The following RASA1 variants were observed in gnomAD, a reference collection of about 807,000 sequenced individuals.
RASA1 encodes ras GTPase-activating protein 1.
RASA1 carries 25 observed loss-of-function variants against 132.2 expected under a neutral mutation model. The ratio of observed to expected loss-of-function variants is 0.19; its 90% CI spans 0.14 to 0.26. The LOEUF (loss-of-function observed/expected upper bound fraction) is 0.26, where lower values mean the gene tolerates loss of function less well. Ranked by LOEUF, RASA1 falls within the 10% of genes least tolerant of loss-of-function variation. The probability of loss-of-function intolerance (pLI) is 1.00; values close to 1 mark genes in which losing one functional copy is unlikely to be tolerated. For missense variants in RASA1, 964 were observed against 1,299.2 expected (o/e 0.74, Z 3.97); for synonymous variants, 477 against 449.9 (o/e 1.06, Z -0.76).
At chr5:87,293,769 AT>A (rs912201926) in intron 1 of RASA1, among the ~76,000 whole-genome samples, 3 of 151,354 alleles carry the variant, frequency 2.0e-5, no homozygotes, top group East Asian at 1.9e-4. Context: ...TCTATTCAAG[AT>A]TTTTTTTTCT....
intron 4 of RASA1, among the ~76,000 whole-genome samples, chr5:87,334,109 C>T (rs950101724): frequency 2.0e-5 from 3 of 151,856 alleles, no homozygotes; most frequent in Admixed American, 6.6e-5. Context: ...GATTTTTTTA[C>T]GGAGAATAGG....
intron 11 of RASA1, among the ~76,000 whole-genome samples, chr5:87,364,210 G>T (rs776716654): frequency 1.3e-4 from 20 of 152,100 alleles, no homozygotes; most frequent in Non-Finnish European, 2.8e-4. Flanking sequence ...TCTGCCGCAG[G>T]ATGGCATTTC....
rs755011839 is a variant in RASA1, at chr5:87,378,406, T to A, written c.2355T>A (p.Thr785=). The change falls in exon 18 of 25, where the codon ACT becomes ACA. Residue 785 remains threonine, a synonymous_variant. Coordinates refer to ENST00000274376, the MANE Select transcript of RASA1 (RefSeq NM_002890.3). The part of the protein sequence containing the change: ...DREISMEDEA[T]TLFRATTLAS... Reference sequence around the variant, plus strand: ...TAAATATTTGTGTAGATGAAGCCACTACCCTATTTCGAGCCACAACACTTG... The same window carrying A: ...TAAATATTTGTGTAGATGAAGCCACAACCCTATTTCGAGCCACAACACTTG... 6.2e-7 allele frequency: 1 copy of A among 1,613,366 alleles called. No individual in the cohort carries two copies. The highest frequency in any genetic ancestry group is 1.1e-5 in the South Asian group (1 of 91,076).
chr5:87,280,766 T>C (rs1259604406), intron 1 of RASA1, among the ~76,000 whole-genome samples: 1 of 151,250 alleles, frequency 6.6e-6, no homozygotes, highest in Non-Finnish European at 1.5e-5. Flanking sequence ...TCTTTCTTTC[T>C]TTTTTTTTGA....
chr5:87,371,678 C>T (rs1156345013), intron 12 of RASA1, among the ~76,000 whole-genome samples: 1 of 152,068 alleles, frequency 6.6e-6, no homozygotes, highest in Non-Finnish European at 1.5e-5. Context: ...TCGGTCATCA[C>T]ATTATCAGTT....
At chr5:87,367,844 TTC>T (rs536001072) in intron 11 of RASA1, among the ~76,000 whole-genome samples, 130 of 152,330 alleles carry the variant, frequency 8.5e-4, no homozygotes, top group African/African-American at 3.0e-3. Context: ...TTCAAATTGT[TTC>T]TGTTTTAGAG....
At chr5:87,382,226 C>T (rs1387635899) in intron 20 of RASA1, among the ~76,000 whole-genome samples, 1 of 152,176 alleles carries the variant, frequency 6.6e-6, no homozygotes, top group Non-Finnish European at 1.5e-5. Flanking sequence ...TGTTGGATTA[C>T]AGGCATGAGC....
intron 11 of RASA1, among the ~76,000 whole-genome samples, chr5:87,368,828 T>C (rs1760722355): frequency 6.6e-6 from 1 of 152,198 alleles, no homozygotes; most frequent in African/African-American, 2.4e-5. Flanking sequence ...TATAGTATGA[T>C]CTTGGCTCCT....
intron 1 of RASA1, among the ~76,000 whole-genome samples, chr5:87,281,332 C>CACTGCAATCTCGTCTT (rs1402668581): frequency 4.0e-5 from 6 of 150,794 alleles, no homozygotes; most frequent in East Asian, 2.0e-4. Context: ...AATCTCGTCT[C>CACTGCAATCTCGTCTT]ACTGCAATCT....
intron 1 of RASA1, among the ~76,000 whole-genome samples, chr5:87,279,089 C>A (rs557194312): frequency 6.6e-6 from 1 of 151,942 alleles, no homozygotes; most frequent in East Asian, 1.9e-4. Flanking sequence ...ACAAAAAAAA[C>A]AAAAATTAGC....
At chr5:87,299,178 A>G (rs1402936777) in intron 1 of RASA1, among the ~76,000 whole-genome samples, 2 of 152,232 alleles carry the variant, frequency 1.3e-5, no homozygotes, top group East Asian at 3.8e-4. Context: ...TTTCTTGTTT[A>G]ACTCTGCTTT....
Position 87,331,004 on chromosome 5 carries a change from A to G in RASA1, c.540-344A>G, listed in dbSNP as rs555906778. 1.1e-4 allele frequency: 155 copies of G among 1,395,786 alleles called. No homozygotes were observed. In the African/African-American group the frequency reaches 2.2e-3, roughly 20 times the overall value. 86.5% of individuals were successfully genotyped at this position (1,395,786 alleles called of 1,614,324 possible). A position where few individuals can be genotyped will look rare whatever the true frequency, so the allele number is the denominator to read the frequency against. ...TCGAGGTAGTAAATTAATCATTTCC[A>G]TTTGTCTATCTTTTATTTTTCTAAG... On this transcript the variant is annotated intron_variant, in intron 1 of 24. Transcript: ENST00000274376.
intron 1 of RASA1, 36 bp from the exon 2 acceptor site, chr5:87,331,312 A>G (rs1318361882): frequency 2.6e-6 from 4 of 1,559,734 alleles, no homozygotes; most frequent in East Asian, 2.2e-5. Flanking sequence ...TGCACTTGCT[A>G]TTTATATTGT....
At position 87,287,220 on chromosome 5, in the gene RASA1, C is replaced by T. The variant is rs144950813; in HGVS notation, c.539+18230C>T. Reference sequence around the variant, plus strand: ...ATATACACACCATATATATACACACCGTATATATACACACCATATATATAC... The same window carrying T: ...ATATACACACCATATATATACACACTGTATATATACACACCATATATATAC... On this transcript the variant is annotated intron_variant, in intron 1 of 24. Coordinates refer to ENST00000274376, the MANE Select transcript of RASA1 (RefSeq NM_002890.3). Among the ~76,000 whole-genome samples, 895 of 140,078 alleles carry T rather than the reference C, an allele frequency of 6.4e-3. 6 individuals are homozygous for T. Among genetic ancestry groups the T allele is most frequent in the Non-Finnish European group, 0.01 (674 of 65,014 alleles). The allele number at this position is 140,078 out of a possible 152,430, so 91.9% of individuals were successfully genotyped here.
chr5:87,390,343 T>C (rs954301413), intron 24 of RASA1, among the ~76,000 whole-genome samples: 7 of 152,116 alleles, frequency 4.6e-5, no homozygotes, highest in Non-Finnish European at 1.0e-4. Flanking sequence ...AGGGATTTTG[T>C]AGAAGGGATT....
At chr5:87,291,256 G>A (rs1011539130) in intron 1 of RASA1, among the ~76,000 whole-genome samples, 2 of 152,174 alleles carry the variant, frequency 1.3e-5, no homozygotes, top group Non-Finnish European at 2.9e-5. Context: ...TATGGCCAGG[G>A]TGGTGACTCA....
At position 87,325,792 on chromosome 5, in the gene RASA1, AAGTT is replaced by A. The variant is rs559198602; in HGVS notation, c.540-5551_540-5548del. On this transcript the variant is annotated intron_variant, in intron 1 of 24. Transcript: ENST00000274376. ...TAGACAGTTTTCATTTGGGATTGTC[AAGTT>A]AGTTGTAAATAATTGTATAGTTTCA... Among the ~76,000 whole-genome samples, 257 of 152,336 alleles carry A rather than the reference AAGTT, an allele frequency of 1.7e-3. 1 individual carries two copies. The highest frequency in any genetic ancestry group is 3.4e-3 in the Middle Eastern group (1 of 294).
At chr5:87,390,486 A>T (rs369776745) in intron 24 of RASA1, among the ~76,000 whole-genome samples, 4 of 151,870 alleles carry the variant, frequency 2.6e-5, no homozygotes, top group South Asian at 2.1e-4. Flanking sequence ...GATATTAAAT[A>T]AAAAAAGCCT....
chr5:87,384,929 G>T (rs1409524140), intron 21 of RASA1, among the ~76,000 whole-genome samples: 3 of 152,078 alleles, frequency 2.0e-5, no homozygotes, highest in Admixed American at 1.3e-4. Flanking sequence ...AACCTGAGTA[G>T]GTTGAAATTA....
Sources: allele counts gnomAD v4.1 joint callset (sites outside exome capture counted in the v4.1 genomes callset), GRCh38; gene constraint gnomAD v4.1.1; transcripts MANE v1.5; gene names NCBI Gene and HGNC (gene_info 2026-07-23, HGNC 2026-07-21).